The following METTL9 variants were observed in gnomAD, a reference collection of about 807,000 sequenced individuals.
The protein encoded by METTL9 is protein-L-histidine N-pros-methyltransferase.
In METTL9, 10 loss-of-function variants were observed where a neutral mutation model predicts 36.0. That is an observed-to-expected ratio of 0.28 (90% CI 0.17 to 0.47). The LOEUF (loss-of-function observed/expected upper bound fraction) is 0.47, where lower values mean the gene tolerates loss of function less well. Ranked by LOEUF, METTL9 falls within the 20% of genes least tolerant of loss-of-function variation. The probability of loss-of-function intolerance (pLI) is 0.99; values close to 1 mark genes in which losing one functional copy is unlikely to be tolerated. For synonymous variants in METTL9, 175 were observed against 149.7 expected (o/e 1.17, Z -1.23); for missense variants, 246 against 383.5 (o/e 0.64, Z 3.00).
intron 1 of METTL9, among the ~76,000 whole-genome samples, chr16:21,601,291 G>A (rs747194555): frequency 5.9e-5 from 9 of 152,090 alleles, no homozygotes; most frequent in Admixed American, 2.0e-4. Context: ...CTGTACCGTT[G>A]ACTGTACAGT....
chr16:21,646,979 C>T (rs1489205210), intron 4 of METTL9: 1 of 1,018,508 alleles, frequency 9.8e-7, no homozygotes, highest in African/African-American at 1.6e-5. Context: ...TTAGTCCAAA[C>T]CTCATGGTGA....
intron 3 of METTL9, among the ~76,000 whole-genome samples, chr16:21,623,717 T>C (rs1965756650): frequency 6.6e-6 from 1 of 151,866 alleles, no homozygotes; most frequent in Non-Finnish European, 1.5e-5. Context: ...TTTTAAACCA[T>C]GCTCTTAATG....
chr16:21,655,076 A>G, intron 4 of METTL9, 151 bp from the exon 5 acceptor site: 1 of 669,760 alleles, frequency 1.5e-6, no homozygotes, highest in Non-Finnish European at 2.6e-6. Flanking sequence ...CACCTGTCTC[A>G]AAGAGTACCT....
rs1407038362 is a variant in METTL9, at chr16:21,656,620, T to C, written c.*1188T>C. 1 of 152,166 alleles carries C rather than the reference T, an allele frequency of 6.6e-6. No individual in the cohort carries two copies. Among genetic ancestry groups the C allele is most frequent in the Non-Finnish European group, 1.5e-5 (1 of 68,022 alleles). 9.4% of individuals were successfully genotyped at this position (152,166 alleles called of 1,614,324 possible). ...TGAAATCTCAGTAATAACAGAAATG[T>C]CAATATGAGATTGTGGTTATTAACA... On this transcript the variant is annotated 3_prime_UTR_variant, in exon 5 of 5. Coordinates refer to ENST00000358154, the MANE Select transcript of METTL9 (RefSeq NM_016025.5).
chr16:21,605,750 C>T (rs529666752), intron 1 of METTL9, among the ~76,000 whole-genome samples: 1 of 152,252 alleles, frequency 6.6e-6, no homozygotes, highest in South Asian at 2.1e-4. Context: ...AAGATTCTTA[C>T]ATGTATTGTC....
chr16:21,619,122 A>T (rs1371024490), intron 3 of METTL9, among the ~76,000 whole-genome samples: 1 of 152,202 alleles, frequency 6.6e-6, no homozygotes, highest in African/African-American at 2.4e-5. Context: ...TAATGCTGCT[A>T]TGAACATGGG....
At chr16:21,602,361 G>C (rs1965155881) in intron 1 of METTL9, among the ~76,000 whole-genome samples, 1 of 152,142 alleles carries the variant, frequency 6.6e-6, no homozygotes, top group South Asian at 2.1e-4. Context: ...GAGAGGCAAG[G>C]CTCCTTTGGG....
intron 3 of METTL9, 130 bp from the exon 4 acceptor site, chr16:21,624,801 A>G (rs1965782903): frequency 2.4e-6 from 2 of 828,332 alleles, no homozygotes; most frequent in Non-Finnish European, 3.8e-6. Context: ...TATTGCAAAC[A>G]TAAATTATAA....
chr16:21,641,417 A>G, intron 4 of METTL9: 1 of 498,212 alleles, frequency 2.0e-6, no homozygotes, highest in Non-Finnish European at 3.6e-6. Flanking sequence ...CTTTGTAGCC[A>G]GTTGTCTTTT....
intron 4 of METTL9, among the ~76,000 whole-genome samples, chr16:21,632,445 T>G (rs944891701): frequency 2.0e-5 from 3 of 152,142 alleles, no homozygotes; most frequent in Non-Finnish European, 4.4e-5. Flanking sequence ...TCCATCGGTA[T>G]ATAGGTTAAG....
intron 4 of METTL9, chr16:21,646,359 T>C (rs576513542): frequency 5.3e-5 from 8 of 152,306 alleles, no homozygotes; most frequent in African/African-American, 1.9e-4. Context: ...GATCCCTGAG[T>C]AGCTTCTCTC....
chr16:21,617,753 T>A, intron 2 of METTL9, 112 bp from the exon 3 acceptor site: 1 of 959,568 alleles, frequency 1.0e-6, no homozygotes, highest in Middle Eastern at 2.4e-4. Flanking sequence ...CTTAACCATG[T>A]AATAAGTGAT....
chr16:21,640,668 G>A (rs1966235078), intron 4 of METTL9: 1 of 149,758 alleles, frequency 6.7e-6, no homozygotes, highest in South Asian at 2.1e-4. Flanking sequence ...TTGGGAAACT[G>A]AGGCAGAAGA....
intron 3 of METTL9, among the ~76,000 whole-genome samples, chr16:21,619,427 C>CT (rs10717867): frequency 2.8e-5 from 4 of 145,024 alleles, no homozygotes; most frequent in African/African-American, 1.0e-4. Context: ...GAAGAAGGGC[C>CT]TTTTTTTTTT....
intron 1 of METTL9, among the ~76,000 whole-genome samples, chr16:21,607,130 A>G (rs1965311076): frequency 6.6e-6 from 1 of 150,694 alleles, no homozygotes; most frequent in Non-Finnish European, 1.5e-5. Flanking sequence ...GCTGGAGTGC[A>G]GTGGCACACT....
chr16:21,630,169 A>C (rs915485994), intron 4 of METTL9, among the ~76,000 whole-genome samples: 9 of 152,194 alleles, frequency 5.9e-5, no homozygotes, highest in Non-Finnish European at 1.2e-4. Context: ...TCTCAATGGC[A>C]CTGGCTGCGG....
At chr16:21,643,618 A>G (rs1336437880) in intron 4 of METTL9, 1 of 1,566,566 alleles carries the variant, frequency 6.4e-7, no homozygotes, top group Non-Finnish European at 8.8e-7. Flanking sequence ...AGAGAAGGAA[A>G]GTCTATGAAA....
intron 2 of METTL9, among the ~76,000 whole-genome samples, chr16:21,614,639 A>G (rs1339440878): frequency 6.6e-6 from 1 of 152,182 alleles, no homozygotes; most frequent in Non-Finnish European, 1.5e-5. Context: ...TAATTACTAC[A>G]GGTGGCCATC....
intron 4 of METTL9, among the ~76,000 whole-genome samples, chr16:21,631,835 A>T (rs758677848): frequency 9.9e-5 from 15 of 152,214 alleles, no homozygotes; most frequent in Non-Finnish European, 1.8e-4. Flanking sequence ...ATTATCAATT[A>T]TAGGTTTTAA....
Sources: allele counts gnomAD v4.1 joint callset (sites outside exome capture counted in the v4.1 genomes callset), GRCh38; gene constraint gnomAD v4.1.1; transcripts MANE v1.5; gene names NCBI Gene and HGNC (gene_info 2026-07-23, HGNC 2026-07-21).